Variants in ERGIC1 observed in about 807,000 individuals in gnomAD.
ERGIC1 encodes the protein endoplasmic reticulum-golgi intermediate compartment 1.
In ERGIC1, 19 loss-of-function variants were observed where a neutral mutation model predicts 38.3. The ratio of observed to expected loss-of-function variants is 0.50; its 90% CI spans 0.35 to 0.73. ERGIC1 has a LOEUF of 0.73. Among genes scored for constraint, ERGIC1 ranks in the 30% least tolerant of loss-of-function variants. The pLI is 0.01. For synonymous variants in ERGIC1, 124 were observed against 157.6 expected, an observed-to-expected ratio of 0.79 and a Z score of 1.60; for missense variants, 294 against 389.2, an observed-to-expected ratio of 0.76 and a Z score of 2.06.
chr5:172,856,708 A>G (rs1376041482), intron 1 of ERGIC1, among the ~76,000 whole-genome samples: 2 of 152,230 alleles, frequency 1.3e-5, no homozygotes, highest in Non-Finnish European at 2.9e-5. Context: ...GGTATGGGTT[A>G]GAATGGTTCC....
chr5:172,905,781 T>C (rs1419706720), intron 3 of ERGIC1, among the ~76,000 whole-genome samples: 2 of 151,962 alleles, frequency 1.3e-5, no homozygotes, highest in African/African-American at 2.4e-5. Context: ...CTTAATAGAG[T>C]GAAAACAGAA....
intron 8 of ERGIC1, chr5:172,934,921 A>C: frequency 2.1e-6 from 1 of 477,174 alleles, no homozygotes; most frequent in Non-Finnish European, 3.8e-6. Context: ...TCTGCTTTCT[A>C]ATTTATTTTC....
At chr5:172,907,564 AAAAAGT>A (rs1197822330) in intron 3 of ERGIC1, among the ~76,000 whole-genome samples, 2 of 152,052 alleles carry the variant, frequency 1.3e-5, no homozygotes, top group Non-Finnish European at 2.9e-5. Flanking sequence ...TCAAAAAAAA[AAAAAGT>A]ATAAAGGCCT....
chr5:172,911,637 A>T (rs1395947705), intron 4 of ERGIC1, among the ~76,000 whole-genome samples: 1 of 152,170 alleles, frequency 6.6e-6, no homozygotes, highest in East Asian at 1.9e-4. Flanking sequence ...AAAAGAGATC[A>T]CCCATAACTC....
chr5:172,872,801 G>A (rs1218044216), intron 1 of ERGIC1, among the ~76,000 whole-genome samples: 1 of 151,440 alleles, frequency 6.6e-6, no homozygotes, highest in Non-Finnish European at 1.5e-5. Flanking sequence ...GGCAACAAGA[G>A]CAAAACTCTA....
intron 1 of ERGIC1, among the ~76,000 whole-genome samples, chr5:172,845,882 C>T (rs572455414): frequency 7.6e-4 from 115 of 152,074 alleles, no homozygotes; most frequent in Non-Finnish European, 1.3e-3. Flanking sequence ...GAAGGTCCCA[C>T]ATTTGCATTC....
chr5:172,846,060 G>A lies in ERGIC1; in HGVS notation c.20+11627G>A, dbSNP rs60170982. On this transcript the variant is annotated intron_variant, in intron 1 of 9. Coordinates refer to ENST00000393784, the MANE Select transcript of ERGIC1 (RefSeq NM_001031711.3). The surrounding 1 kb of genome is among the most constrained non-coding windows in gnomAD (Gnocchi z 4.0). ...CTAAGTGGACAGGGTTATGGTTTTG[G>A]GGAAGCATCCCCAGAGGTGAAGCGC... is the stretch of plus-strand genomic sequence containing the variant. Among the ~76,000 whole-genome samples, 16,310 of 152,052 alleles carry A rather than the reference G, an allele frequency of 0.11. 1,365 individuals are homozygous for A. Among genetic ancestry groups the A allele is most frequent in the African/African-American group, 0.23 (9,561 of 41,426 alleles).
chr5:172,848,297 G>C (rs1253186533), intron 1 of ERGIC1, among the ~76,000 whole-genome samples: 1 of 152,160 alleles, frequency 6.6e-6, no homozygotes, highest in Non-Finnish European at 1.5e-5. Flanking sequence ...GAACAGCAGG[G>C]AACAAATCAT....
intron 9 of ERGIC1, among the ~76,000 whole-genome samples, chr5:172,940,359 C>A (rs569191705): frequency 3.3e-5 from 5 of 152,132 alleles, no homozygotes; most frequent in Non-Finnish European, 7.3e-5. Flanking sequence ...AACATTCCAG[C>A]GCCAAGGGAA....
chr5:172,947,876 T>G (rs200681849), intron 9 of ERGIC1, among the ~76,000 whole-genome samples: 1 of 145,728 alleles, frequency 6.9e-6, no homozygotes, highest in South Asian at 2.2e-4. Flanking sequence ...CAGATGTGTT[T>G]TGTGTGTGTG....
chr5:172,859,560 C>T (rs552458480), intron 1 of ERGIC1, among the ~76,000 whole-genome samples: 1 of 152,366 alleles, frequency 6.6e-6, no homozygotes, highest in South Asian at 2.1e-4. Flanking sequence ...ATTGGCTCCA[C>T]TTAGCAGGAT....
Position 172,935,200 on chromosome 5 carries a change from T to A in ERGIC1, c.655T>A (p.Tyr219Asn). ...TCCTCTACCCCAGGAATACGTCGCC[T>A]ACAGCCACACGGGCCGCATCATCCC... The part of the protein sequence containing the change: ...YTVANKEYVA[Y>N]SHTGRIIPAI... The change falls in exon 9 of 10, where the codon TAC becomes AAC. Residue 219 changes from tyrosine to asparagine, a missense_variant. Physicochemically the swap from Tyr to Asn is moderately radical, Grantham distance 143. This residue lies in a region of ERGIC1 where 109 missense variants were observed against 112.7 expected (regional missense o/e 0.97). Coordinates refer to ENST00000393784, the MANE Select transcript of ERGIC1 (RefSeq NM_001031711.3). The A allele has an allele frequency of 6.2e-7, 1 of 1,614,094 alleles. No homozygotes were observed. The highest frequency in any genetic ancestry group is 8.5e-7 in the Non-Finnish European group (1 of 1,180,014).
At position 172,858,998 on chromosome 5, in the gene ERGIC1, T is replaced by C. The variant is rs1033591326; in HGVS notation, c.20+24565T>C. Among the ~76,000 whole-genome samples the C allele has an allele frequency of 3.9e-5, 6 of 152,312 alleles. No homozygotes were observed. In the East Asian group the frequency reaches 1.2e-3, roughly 29 times the overall value. On this transcript the variant is annotated intron_variant, in intron 1 of 9. Coordinates refer to ENST00000393784, the MANE Select transcript of ERGIC1 (RefSeq NM_001031711.3). ...TGTGCTGAGGACGTGATTTTGAGGC[T>C]TTCTTAGCCCAGACTTACCTTCATA... is the stretch of plus-strand genomic sequence containing the variant.
Position 172,935,280 on chromosome 5 carries a change from A to G in ERGIC1, c.735A>G (p.Arg245=). 4 of 1,614,092 alleles carry G rather than the reference A, an allele frequency of 2.5e-6. No individual in the cohort carries two copies. The highest frequency in any genetic ancestry group is 2.5e-6 in the Non-Finnish European group (3 of 1,180,040). The part of the protein sequence containing the change: ...LSPITVKYTE[R]RQPLYRFITT... ...CCATCACGGTCAAGTACACAGAGAG[A>G]CGGCAGCCGCTGTACAGATTCATCA... The change falls in exon 9 of 10, where the codon AGA becomes AGG. Residue 245 remains arginine (R), a synonymous_variant. Transcript: ENST00000393784.
chr5:172,928,469 G>T (rs1004654686), intron 7 of ERGIC1, among the ~76,000 whole-genome samples: 3 of 152,196 alleles, frequency 2.0e-5, no homozygotes, highest in Non-Finnish European at 4.4e-5. Context: ...TCTCCAAGAA[G>T]CCCTCACTGG....
intron 1 of ERGIC1, among the ~76,000 whole-genome samples, chr5:172,856,536 G>A (rs1177669869): frequency 4.6e-5 from 7 of 152,168 alleles, no homozygotes; most frequent in Non-Finnish European, 7.4e-5. Flanking sequence ...GGGAAAGAGC[G>A]GGGGATACAA....
At chr5:172,907,237 T>A (rs927113995) in intron 3 of ERGIC1, among the ~76,000 whole-genome samples, 5 of 152,204 alleles carry the variant, frequency 3.3e-5, no homozygotes, top group Non-Finnish European at 7.3e-5. Context: ...AGTGCGAGCC[T>A]GACCCCGTGG....
In ERGIC1 at chr5:172,926,406, AG is replaced by A. The variant is rs1763651480; in HGVS notation, c.481-100del. On this transcript the variant is annotated intron_variant, in intron 6 of 9. Transcript: ENST00000393784. The surrounding 1 kb of genome is among the most constrained non-coding windows in gnomAD (Gnocchi z 5.2). ...CTGGAGCCCCCTTTTACACATTGGT[AG>A]GGTTCCTAGACCAGGTGGTACCTGG... 8 of 1,272,410 alleles carry A rather than the reference AG, an allele frequency of 6.3e-6. No homozygotes were observed. The South Asian group carries it at 8.4e-5, about 13-fold the overall frequency. The allele number at this position is 1,272,410 out of a possible 1,614,324, so 78.8% of individuals were successfully genotyped here.
intron 5 of ERGIC1, among the ~76,000 whole-genome samples, chr5:172,923,781 C>A (rs1417161333): frequency 2.0e-5 from 3 of 152,216 alleles, no homozygotes; most frequent in African/African-American, 4.8e-5. Flanking sequence ...ATAGTCCTGG[C>A]AGCCCCCTCG....
Sources: allele counts gnomAD v4.1 joint callset (sites outside exome capture counted in the v4.1 genomes callset), GRCh38; gene constraint gnomAD v4.1.1; regional missense constraint gnomAD v4.1.1; non-coding constraint Gnocchi (gnomAD v3.1); transcripts MANE v1.5; gene names NCBI Gene and HGNC (gene_info 2026-07-23, HGNC 2026-07-21).